Variants in GCDH observed in about 807,000 individuals in gnomAD.
The protein encoded by GCDH is glutaryl-CoA dehydrogenase, mitochondrial.
A neutral mutation model predicts 52.8 loss-of-function variants in GCDH; 31 were observed. The observed-to-expected ratio is 0.59, with a 90% confidence interval of 0.44 to 0.79. GCDH has a LOEUF of 0.79. GCDH is among the 30% of genes least tolerant of loss of function. The probability of loss-of-function intolerance (pLI) is 0.00; values close to 1 mark genes in which losing one functional copy is unlikely to be tolerated. For missense variants in GCDH, 509 were observed against 595.0 expected (o/e 0.86, Z 1.50); for synonymous variants, 242 against 250.0 (o/e 0.97, Z 0.30).
At chr19:12,892,449 G>T (rs1386587644) in intron 5 of GCDH, 2 of 546,914 alleles carry the variant, frequency 3.7e-6, no homozygotes, top group Non-Finnish European at 6.6e-6. Flanking sequence ...GTGCCACCAT[G>T]CCTGGCTAAT....
intron 6 of GCDH, chr19:12,894,112 G>C: frequency 9.2e-7 from 1 of 1,082,768 alleles, no homozygotes; most frequent in South Asian, 1.4e-5. Context: ...TGGTGTCTCG[G>C]AGGTGTTCAG....
intron 11 of GCDH, 165 bp from the exon 12 acceptor site, chr19:12,899,303 T>A (rs780617569): frequency 4.5e-6 from 7 of 1,559,066 alleles, no homozygotes; most frequent in Non-Finnish European, 6.2e-6. Flanking sequence ...AGTCTTCTCC[T>A]GGAGACTGTC....
intron 6 of GCDH, 131 bp from the exon 7 acceptor site, chr19:12,895,861 C>T (rs1970662008): frequency 9.6e-7 from 1 of 1,038,538 alleles, no homozygotes; most frequent in Non-Finnish European, 1.5e-6. Flanking sequence ...CTCAATTGAT[C>T]CACCTGCCTT....
Position 12,891,537 on chromosome 19 carries a change from T to G in GCDH, c.127+15T>G. ...ACTGGCTAAGTGTAAGGACCTCTGGTCGCACCGTGTGTCTGCTGCCCCTGT... is the reference window on the plus strand; with the variant it reads ...ACTGGCTAAGTGTAAGGACCTCTGGGCGCACCGTGTGTCTGCTGCCCCTGT... On this transcript the variant is annotated intron_variant, in intron 3 of 11. Coordinates refer to ENST00000222214, the MANE Select transcript of GCDH (RefSeq NM_000159.4). 1.2e-6 allele frequency: 2 copies of G among 1,614,152 alleles called. No homozygotes were observed. The highest frequency in any genetic ancestry group is 1.7e-6 in the Non-Finnish European group (2 of 1,180,010).
intron 6 of GCDH, chr19:12,894,296 G>T (rs1175177816): frequency 2.4e-6 from 2 of 832,714 alleles, no homozygotes; most frequent in Non-Finnish European, 4.3e-6. Flanking sequence ...ATCAGTGGTG[G>T]GAACAATAAA....
In GCDH at chr19:12,896,324, G is replaced by A. The variant is rs1329013099; in HGVS notation, c.755G>A (p.Gly252Asp). ...GGTCTCTCGGCCCCCAGGATCCAGGGCAAGTTCTCGCTGCGGGCCTCAGCC... is the reference window on the plus strand; with the variant it reads ...GGTCTCTCGGCCCCCAGGATCCAGGACAAGTTCTCGCTGCGGGCCTCAGCC... ...MRGLSAPRIQ[G>D]KFSLRASATG... Residue 252 changes from glycine (G) to aspartate (D), a missense_variant, in exon 8 of 12, where the codon GGC (glycine) becomes GAC (aspartate). Physicochemically the swap from Gly to Asp is moderately conservative, Grantham distance 94 (BLOSUM62 -1). Coordinates refer to ENST00000222214, the MANE Select transcript of GCDH (RefSeq NM_000159.4). This position sits in a 1 kb window ranked among gnomAD's most constrained non-coding sequence, Gnocchi z 5.5. 2 of 1,614,174 alleles carry A rather than the reference G, an allele frequency of 1.2e-6. No homozygotes were observed. Among genetic ancestry groups the A allele is most frequent in the South Asian group, 1.1e-5 (1 of 91,088 alleles).
intron 5 of GCDH, chr19:12,892,427 G>A (rs1333823718): frequency 2.8e-5 from 16 of 579,054 alleles, no homozygotes; most frequent in Non-Finnish European, 4.6e-5. Flanking sequence ...TAGTAGCTGG[G>A]ATTACAGGTA....
rs758105606 is a variant in GCDH, at chr19:12,896,874, C to T, written c.853-36C>T. The stretch of plus-strand genomic sequence containing the variant: ...TTCTGCATAGGCCCTCTTGGTGTCT[C>T]TTGGGTGGGCCTGAGGCGCCATCTC... On this transcript the variant is annotated intron_variant, in intron 8 of 11. Transcript: ENST00000222214. This position sits in a 1 kb window ranked among gnomAD's most constrained non-coding sequence, Gnocchi z 5.5. 1 of 1,482,814 alleles carries T rather than the reference C, an allele frequency of 6.7e-7. No homozygotes were observed. Among genetic ancestry groups the T allele is most frequent in the South Asian group, 1.1e-5 (1 of 88,390 alleles). 91.9% of individuals were successfully genotyped at this position (1,482,814 alleles called of 1,614,324 possible). A position where few individuals can be genotyped will look rare whatever the true frequency, so the allele number is the denominator to read the frequency against.
chr19:12,897,164 T>C, intron 9 of GCDH, 139 bp from the exon 10 acceptor site: 2 of 1,259,952 alleles, frequency 1.6e-6, no homozygotes, highest in Non-Finnish European at 2.3e-6. Context: ...AGCTGTGGGC[T>C]GAGTCAACGG....
chr19:12,891,296 T>TGAGA lies in GCDH; in HGVS notation c.-5_-2dup, dbSNP rs1158124039. ...GTCGCCGTCGTTGCTCCGCTCGCTCTGAGAGAGCATGGCCCTGAGAGGCGT... is the reference window on the plus strand; with the variant it reads ...GTCGCCGTCGTTGCTCCGCTCGCTCTGAGAGAGAGAGCATGGCCCTGAGAGGCGT... On this transcript the variant is annotated 5_prime_UTR_variant, in exon 2 of 12. Transcript: ENST00000222214. 1 of 1,603,268 alleles carries TGAGA rather than the reference T, an allele frequency of 6.2e-7. No homozygotes were observed.
chr19:12,894,492 G>T (rs947176821), intron 6 of GCDH: 10 of 721,030 alleles, frequency 1.4e-5, no homozygotes, highest in African/African-American at 5.2e-5. Context: ...GGAGAGAAGG[G>T]TATTCCTGGA....
chr19:12,891,936 G>C lies in GCDH; in HGVS notation c.233G>C (p.Arg78Thr). The C allele has an allele frequency of 6.2e-7, 1 of 1,614,228 alleles. No homozygotes were observed. Among genetic ancestry groups the C allele is most frequent in the Non-Finnish European group, 8.5e-7 (1 of 1,180,036 alleles). ...ACCTTCCGCACCTACTGCCAGGAGA[G>C]ACTCATGCCTCGCATCCTGTTGGCC... ...RDTFRTYCQERLMPRILLANR... is the reference protein window; with the variant it reads ...RDTFRTYCQETLMPRILLANR... Residue 78 changes from arginine to threonine, a missense_variant, in exon 4 of 12, where the codon AGA becomes ACA. Coordinates refer to ENST00000222214, the MANE Select transcript of GCDH (RefSeq NM_000159.4).
In GCDH at chr19:12,898,985, C is replaced by G. The variant is rs961233899; in HGVS notation, c.1244-483C>G. 55 of 323,464 alleles carry G rather than the reference C, an allele frequency of 1.7e-4. No homozygotes were observed. In the Admixed American group the frequency reaches 2.1e-3, roughly 12 times the overall value. 20.0% of individuals were successfully genotyped at this position (323,464 alleles called of 1,614,324 possible). Reference sequence around the variant, plus strand: ...AGTGACTGCTCTTCCGATGTGCTGTCCCTCCTATCCCTCCCGAGGGTAAGA... The same window carrying G: ...AGTGACTGCTCTTCCGATGTGCTGTGCCTCCTATCCCTCCCGAGGGTAAGA... On this transcript the variant is annotated intron_variant, in intron 11 of 11. Coordinates refer to ENST00000222214, the MANE Select transcript of GCDH (RefSeq NM_000159.4).
chr19:12,897,577 AC>A, intron 10 of GCDH, 125 bp from the exon 11 acceptor site: 1 of 1,414,914 alleles, frequency 7.1e-7, no homozygotes, highest in Non-Finnish European at 1.0e-6. Flanking sequence ...TGGGCTGAGG[AC>A]AGCCCCACTG....
At position 12,899,781 on chromosome 19, in the gene GCDH, A is replaced by T. The variant is rs1386481937; in HGVS notation, c.*240A>T. On this transcript the variant is annotated 3_prime_UTR_variant, in exon 12 of 12. Coordinates refer to ENST00000222214, the MANE Select transcript of GCDH (RefSeq NM_000159.4). ...CACTTTTAACCATGGATGAGAGCAG[A>T]CTCCATTTACCCTGAAATAGCAGCT... 1 of 1,599,060 alleles carries T rather than the reference A, an allele frequency of 6.3e-7. No homozygotes were observed. Among genetic ancestry groups the T allele is most frequent in the East Asian group, 2.2e-5 (1 of 44,798 alleles).
At chr19:12,891,730 C>G (rs1970560991) in intron 3 of GCDH, 101 bp from the exon 4 acceptor site, 2 of 1,605,686 alleles carry the variant, frequency 1.2e-6, no homozygotes, top group Non-Finnish European at 8.5e-7. Flanking sequence ...TCGCACTAGC[C>G]GGGGGGCGAC....
At chr19:12,899,390 G>C in intron 11 of GCDH, 78 bp from the exon 12 acceptor site, 3 of 1,614,094 alleles carry the variant, frequency 1.9e-6, no homozygotes, top group Non-Finnish European at 2.5e-6. Context: ...AGTGGCCTGG[G>C]GATACATGAA....
chr19:12,894,083 G>A lies in GCDH; in HGVS notation c.505+430G>A. On this transcript the variant is annotated intron_variant, in intron 6 of 11. Transcript: ENST00000222214. ...AGAGCCTATGTGACCTGCGCTAAGTGGACGTTGGCCCTCTTCCGTGGTGTC... is the reference window on the plus strand; with the variant it reads ...AGAGCCTATGTGACCTGCGCTAAGTAGACGTTGGCCCTCTTCCGTGGTGTC... 5 of 790,128 alleles carry A rather than the reference G, an allele frequency of 6.3e-6. No homozygotes were observed. The South Asian group carries it at 6.3e-5, about 10-fold the overall frequency. The allele number at this position is 790,128 out of a possible 1,614,324, so 48.9% of individuals were successfully genotyped here. A position where few individuals can be genotyped will look rare whatever the true frequency, so the allele number is the denominator to read the frequency against.
chr19:12,897,251 G>A (rs1182300694), intron 9 of GCDH, 52 bp from the exon 10 acceptor site: 29 of 1,611,194 alleles, frequency 1.8e-5, no homozygotes, highest in Admixed American at 6.7e-5. Context: ...GGACAGGGAC[G>A]GGGTGGGAGA....
Sources: gnomAD v4.1 joint callset for allele counts on GRCh38, gnomAD v4.1.1 for gene constraint, Gnocchi (gnomAD v3.1) non-coding constraint, MANE v1.5 for transcripts, NCBI Gene and HGNC (gene_info 2026-07-23, HGNC 2026-07-21) for gene names.